COX7B2: variants seen among roughly 807,000 people sequenced by gnomAD.
The protein encoded by COX7B2 is cytochrome c oxidase subunit 7B2.
For missense variants in COX7B2, 109 were observed against 95.9 expected (o/e 1.14, Z -0.57); for synonymous variants, 37 against 32.1 (o/e 1.15, Z -0.51).
intron 2 of COX7B2, among the ~76,000 whole-genome samples, chr4:46,756,258 T>C (rs986317492): frequency 2.6e-5 from 4 of 152,088 alleles, no homozygotes; most frequent in Non-Finnish European, 4.4e-5. Flanking sequence ...GATAGCCATA[T>C]GCAGAAGAAT....
At chr4:46,800,426 A>G (rs1426823249) in intron 2 of COX7B2, among the ~76,000 whole-genome samples, 1 of 152,130 alleles carries the variant, frequency 6.6e-6, no homozygotes, top group Non-Finnish European at 1.5e-5. Flanking sequence ...ACACAGACCA[A>G]TGGGAAAGAT....
At chr4:46,875,695 C>G (rs1224302513) in intron 1 of COX7B2, among the ~76,000 whole-genome samples, 2 of 151,918 alleles carry the variant, frequency 1.3e-5, no homozygotes, top group African/African-American at 4.8e-5. Context: ...CCTATGACTT[C>G]CCAACTAAAT....
At position 46,845,562 on chromosome 4, in the gene COX7B2, G is replaced by A. The variant is rs536640814; in HGVS notation, c.-104-548C>T. On this transcript the variant is annotated intron_variant, in intron 1 of 2. Transcript: ENST00000355591. ...TAAAGTTAAAAAATCTAGAGAAAAT[G>A]ATACATTTATTTACTACTTTAGAGT... Among the ~76,000 whole-genome samples the A allele has an allele frequency of 2.0e-5, 3 of 152,020 alleles. No homozygotes were observed. The South Asian group carries it at 6.2e-4, about 32-fold the overall frequency.
At chr4:46,833,084 T>C (rs944563560) in intron 2 of COX7B2, among the ~76,000 whole-genome samples, 22 of 152,126 alleles carry the variant, frequency 1.4e-4, no homozygotes, top group East Asian at 9.6e-4. Context: ...TTTGTATTTT[T>C]AGTAGAGACG....
At chr4:46,736,464 T>C (rs950977602) in intron 2 of COX7B2, among the ~76,000 whole-genome samples, 2 of 152,108 alleles carry the variant, frequency 1.3e-5, no homozygotes, top group African/African-American at 2.4e-5. Flanking sequence ...TTTTTTTTTT[T>C]ACTTTTTGTG....
intron 1 of COX7B2, among the ~76,000 whole-genome samples, chr4:46,862,740 T>C (rs1717413363): frequency 6.6e-6 from 1 of 152,176 alleles, no homozygotes; most frequent in African/African-American, 2.4e-5. Flanking sequence ...GTTCAGACTT[T>C]AAAAATGTTT....
At chr4:46,871,681 G>C (rs1288425429) in intron 1 of COX7B2, among the ~76,000 whole-genome samples, 1 of 148,878 alleles carries the variant, frequency 6.7e-6, no homozygotes, top group Non-Finnish European at 1.5e-5. Flanking sequence ...GACATGAACA[G>C]ACACTTTTCA....
At chr4:46,813,584 T>G (rs1399813535) in intron 2 of COX7B2, among the ~76,000 whole-genome samples, 2 of 152,116 alleles carry the variant, frequency 1.3e-5, no homozygotes, top group African/African-American at 4.8e-5. Context: ...AGGGAGAGTA[T>G]TAGGACAAAT....
intron 2 of COX7B2, among the ~76,000 whole-genome samples, chr4:46,797,154 T>G (rs903429612): frequency 4.8e-5 from 7 of 146,444 alleles, no homozygotes; most frequent in Non-Finnish European, 7.5e-5. Flanking sequence ...AAGGAAGGAT[T>G]CTGGTACACT....
At chr4:46,744,377 G>A (rs1714896074) in intron 2 of COX7B2, among the ~76,000 whole-genome samples, 1 of 151,820 alleles carries the variant, frequency 6.6e-6, no homozygotes, top group Non-Finnish European at 1.5e-5. Context: ...TCGGAGAGAC[G>A]AATTTGAGAT....
intron 1 of COX7B2, among the ~76,000 whole-genome samples, chr4:46,853,309 C>T (rs905803375): frequency 6.6e-6 from 1 of 152,152 alleles, no homozygotes; most frequent in African/African-American, 2.4e-5. Context: ...TTCTAATCCA[C>T]ATAACAACAC....
At chr4:46,876,229 A>G (rs1019338030) in intron 1 of COX7B2, among the ~76,000 whole-genome samples, 1 of 152,184 alleles carries the variant, frequency 6.6e-6, no homozygotes, top group African/African-American at 2.4e-5. Flanking sequence ...CCTAAGAGAC[A>G]TGCATGGGGC....
At chr4:46,760,038 C>T (rs1452296628) in intron 2 of COX7B2, among the ~76,000 whole-genome samples, 1 of 151,938 alleles carries the variant, frequency 6.6e-6, no homozygotes, top group Non-Finnish European at 1.5e-5. Context: ...AGCTCTTTCA[C>T]CAGCCCTGGG....
chr4:46,850,641 GA>G (rs1394785596), intron 1 of COX7B2, among the ~76,000 whole-genome samples: 1 of 151,930 alleles, frequency 6.6e-6, no homozygotes, highest in African/African-American at 2.4e-5. Context: ...GTAAAGCACT[GA>G]AAAAATATAT....
chr4:46,735,082 T>C lies in COX7B2; in HGVS notation c.111A>G (p.Lys37=). Reference sequence around the variant, plus strand: ...CACTGGCTAGCACAGCATTACCATATTTATCATGAAAATCTGGTGAGTGTT... The same window carrying C: ...CACTGGCTAGCACAGCATTACCATACTTATCATGAAAATCTGGTGAGTGTT... The part of the protein sequence containing the change: ...HVKHSPDFHD[K]YGNAVLASGT... Residue 37 remains lysine (K), a synonymous_variant, in exon 3 of 3, where the codon AAA becomes AAG. Transcript: ENST00000355591. The C allele has an allele frequency of 6.2e-7, 1 of 1,614,020 alleles. No homozygotes were observed. Among genetic ancestry groups the C allele is most frequent in the African/African-American group, 1.3e-5 (1 of 75,038 alleles).
At chr4:46,838,662 T>C (rs761136257) in intron 2 of COX7B2, among the ~76,000 whole-genome samples, 2 of 152,118 alleles carry the variant, frequency 1.3e-5, no homozygotes, top group South Asian at 4.1e-4. Flanking sequence ...TGGGTGGTGT[T>C]AAGGCACACT....
intron 2 of COX7B2, among the ~76,000 whole-genome samples, chr4:46,843,941 C>T (rs1234912572): frequency 6.6e-6 from 1 of 151,842 alleles, no homozygotes; most frequent in Non-Finnish European, 1.5e-5. Flanking sequence ...TCCCTGGTGG[C>T]AGGTAATAAA....
intron 2 of COX7B2, among the ~76,000 whole-genome samples, chr4:46,792,542 C>T (rs1718105461): frequency 2.0e-5 from 3 of 152,196 alleles, no homozygotes; most frequent in Non-Finnish European, 4.4e-5. Flanking sequence ...TCTTCTCCTG[C>T]CCCGGGACTG....
At chr4:46,862,455 A>G (rs142634211) in intron 1 of COX7B2, among the ~76,000 whole-genome samples, 287 of 152,336 alleles carry the variant, frequency 1.9e-3, no homozygotes, top group African/African-American at 6.4e-3. Context: ...ATGTATGTAC[A>G]TGTGTTATGT....
Sources: allele counts gnomAD v4.1 joint callset (sites outside exome capture counted in the v4.1 genomes callset), GRCh38; gene constraint gnomAD v4.1.1; transcripts MANE v1.5; gene names NCBI Gene and HGNC (gene_info 2026-07-23, HGNC 2026-07-21).